PRKCA: variants seen among roughly 807,000 people sequenced by gnomAD.
PRKCA encodes protein kinase C alpha type.
A neutral mutation model predicts 87.0 loss-of-function variants in PRKCA; 27 were observed. The observed-to-expected ratio is 0.31, with a 90% CI of 0.23 to 0.43. The LOEUF is 0.43. PRKCA is among the 20% of genes least tolerant of loss of function. The probability of loss-of-function intolerance (pLI) is 1.00; values close to 1 mark genes in which losing one functional copy is unlikely to be tolerated. For missense variants in PRKCA, 518 were observed against 852.3 expected (o/e 0.61, Z 4.88); for synonymous variants, 329 against 311.1 (o/e 1.06, Z -0.61).
At chr17:66,794,393 T>G (rs1225861161) in intron 16 of PRKCA, among the ~76,000 whole-genome samples, 1 of 151,866 alleles carries the variant, frequency 6.6e-6, no homozygotes, top group Non-Finnish European at 1.5e-5. Context: ...CATTTCCCAG[T>G]GCCATTAGCT....
At chr17:66,465,789 C>G (rs1915059303) in intron 2 of PRKCA, among the ~76,000 whole-genome samples, 1 of 152,134 alleles carries the variant, frequency 6.6e-6, no homozygotes, top group South Asian at 2.1e-4. Flanking sequence ...AGACAACCAT[C>G]CCCATTCCAC....
chr17:66,617,728 C>T (rs1598817970), intron 3 of PRKCA, among the ~76,000 whole-genome samples: 2 of 152,278 alleles, frequency 1.3e-5, no homozygotes, highest in South Asian at 4.1e-4. Context: ...TGATGACCAC[C>T]AGGCCTTCCT....
Position 66,795,865 on chromosome 17 carries a change from C to G in PRKCA, c.1854+6886C>G, listed in dbSNP as rs1975653519. Reference sequence around the variant, plus strand: ...ACAGCCCATGATAAGCCAGAACCTTCACCCTCATACACACGTGGCTCTCAC... The same window carrying G: ...ACAGCCCATGATAAGCCAGAACCTTGACCCTCATACACACGTGGCTCTCAC... On this transcript the variant is annotated intron_variant, in intron 16 of 16. Coordinates refer to ENST00000413366, the MANE Select transcript of PRKCA (RefSeq NM_002737.3). Among the ~76,000 whole-genome samples, 4 of 152,242 alleles carry G rather than the reference C, an allele frequency of 2.6e-5. No homozygotes were observed. In the South Asian group the frequency reaches 8.3e-4, roughly 31 times the overall value.
At chr17:66,785,387 C>T (rs1975357025) in intron 14 of PRKCA, among the ~76,000 whole-genome samples, 1 of 152,146 alleles carries the variant, frequency 6.6e-6, no homozygotes, top group African/African-American at 2.4e-5. Context: ...AGCCAAACAC[C>T]ATCACTGTGT....
chr17:66,647,872 A>T (rs1356561577), intron 5 of PRKCA, among the ~76,000 whole-genome samples: 3 of 152,176 alleles, frequency 2.0e-5, no homozygotes, highest in Admixed American at 6.5e-5. Flanking sequence ...TAGTTTAAAA[A>T]TTTTTGTAGA....
At chr17:66,755,566 G>C (rs1190732172) in intron 13 of PRKCA, among the ~76,000 whole-genome samples, 6 of 152,132 alleles carry the variant, frequency 3.9e-5, no homozygotes, top group Non-Finnish European at 8.8e-5. Context: ...TGTTCTTTTA[G>C]TCAAACACCT....
In PRKCA at chr17:66,368,384, A is replaced by ATTT. The variant is rs1269947105; in HGVS notation, c.205+62258_205+62259insTTT. 2.4e-3 allele frequency among the ~76,000 whole-genome samples: 66 copies of ATTT among 27,002 alleles called. 2 individuals carry two copies. The highest frequency in any genetic ancestry group is 6.3e-3 in the East Asian group (4 of 634). 17.7% of individuals were successfully genotyped at this position (27,002 alleles called of 152,430 possible). On this transcript the variant is annotated intron_variant, in intron 2 of 16. Transcript: ENST00000413366. ...TATATGTATATATATATATATATAT[A>ATTT]TATTTTTTTTTTTTTTTTTTTTTTT...
At chr17:66,632,045 G>C (rs769576522) in intron 3 of PRKCA, among the ~76,000 whole-genome samples, 2 of 152,066 alleles carry the variant, frequency 1.3e-5, no homozygotes, top group Non-Finnish European at 2.9e-5. Context: ...CTGCAGATTG[G>C]TAGAGAAACT....
chr17:66,720,415 C>T (rs189564733), intron 8 of PRKCA, among the ~76,000 whole-genome samples: 15 of 152,246 alleles, frequency 9.9e-5, no homozygotes, highest in African/African-American at 3.1e-4. Flanking sequence ...GCCCCGTTAC[C>T]GAGTAGAAGA....
intron 8 of PRKCA, among the ~76,000 whole-genome samples, chr17:66,717,756 A>G (rs1434158078): frequency 6.6e-6 from 1 of 152,202 alleles, no homozygotes; most frequent in Non-Finnish European, 1.5e-5. Context: ...AGACCTCAGC[A>G]TCTTCATCTG....
chr17:66,317,121 G>A (rs1280932395), intron 2 of PRKCA, among the ~76,000 whole-genome samples: 3 of 148,930 alleles, frequency 2.0e-5, no homozygotes, highest in Non-Finnish European at 3.0e-5. Context: ...CAGCCTGGGT[G>A]ACAGAGTGAG....
chr17:66,486,042 G>A (rs183296587), intron 2 of PRKCA, among the ~76,000 whole-genome samples: 1 of 152,228 alleles, frequency 6.6e-6, no homozygotes, highest in Admixed American at 6.5e-5. Context: ...AGTGAGGAAG[G>A]CTTTATGCCC....
chr17:66,409,033 C>CAAAAAA (rs10661202), intron 2 of PRKCA, among the ~76,000 whole-genome samples: 122 of 76,326 alleles, frequency 1.6e-3, no homozygotes, highest in Non-Finnish European at 2.1e-3. Context: ...TCCCCAGTCT[C>CAAAAAA]AAAAAAAAAA....
intron 6 of PRKCA, 139 bp from the exon 7 acceptor site, chr17:66,688,163 A>G: frequency 9.5e-7 from 1 of 1,049,220 alleles, no homozygotes; most frequent in South Asian, 1.8e-5. Context: ...GCTTGCCAGC[A>G]TAAGGGGTTG....
chr17:66,664,136 G>A (rs963229355), intron 5 of PRKCA, among the ~76,000 whole-genome samples: 2 of 152,152 alleles, frequency 1.3e-5, no homozygotes, highest in East Asian at 1.9e-4. Context: ...CCAAAGTGCC[G>A]GGTTTCTAGG....
At chr17:66,780,015 C>T (rs1409999520) in intron 14 of PRKCA, among the ~76,000 whole-genome samples, 3 of 152,184 alleles carry the variant, frequency 2.0e-5, no homozygotes, top group African/African-American at 4.8e-5. Flanking sequence ...TTGCCTTCAA[C>T]GCCAGGGCCT....
At chr17:66,509,942 GAAAATGAAAAT>G (rs1358344439) in intron 3 of PRKCA, among the ~76,000 whole-genome samples, 1 of 152,126 alleles carries the variant, frequency 6.6e-6, no homozygotes, top group Non-Finnish European at 1.5e-5. Flanking sequence ...ATTCCCTAAA[GAAAATGAAAAT>G]AATTTCATAG....
At chr17:66,440,274 C>T (rs1450433397) in intron 2 of PRKCA, among the ~76,000 whole-genome samples, 1 of 152,172 alleles carries the variant, frequency 6.6e-6, no homozygotes, top group African/African-American at 2.4e-5. Context: ...CCACCAGTTC[C>T]CTAAAGCTAC....
At chr17:66,469,286 C>CT (rs1211624572) in intron 2 of PRKCA, among the ~76,000 whole-genome samples, 1 of 152,182 alleles carries the variant, frequency 6.6e-6, no homozygotes, top group Non-Finnish European at 1.5e-5. Context: ...TCCTGCCATT[C>CT]TTTTTTGCTG....
Sources: allele counts gnomAD v4.1 joint callset (sites outside exome capture counted in the v4.1 genomes callset), GRCh38; gene constraint gnomAD v4.1.1; transcripts MANE v1.5; gene names NCBI Gene and HGNC (gene_info 2026-07-23, HGNC 2026-07-21).